CSMD1: variants seen among roughly 807,000 people sequenced by gnomAD.
CSMD1 encodes CUB and sushi domain-containing protein 1.
In CSMD1, 213 loss-of-function variants were observed where a neutral mutation model predicts 417.5. The observed-to-expected ratio is 0.51, with a 90% CI of 0.46 to 0.57. The LOEUF is 0.57. CSMD1 is among the 20% of genes least tolerant of loss of function. The probability of loss-of-function intolerance (pLI) is 0.00; values close to 1 mark genes in which losing one functional copy is unlikely to be tolerated. For missense variants in CSMD1, 6,923 were observed against 4,529.7 expected (o/e 1.53, Z -15.17); for synonymous variants, 2,862 against 1,736.8 (o/e 1.65, Z -16.11).
At chr8:4,448,013 CTA>C (rs979937415) in intron 2 of CSMD1, among the ~76,000 whole-genome samples, 3 of 152,122 alleles carry the variant, frequency 2.0e-5, no homozygotes, top group Non-Finnish European at 4.4e-5. Context: ...GGTGGTAAAA[CTA>C]AAAAACTAAA....
intron 4 of CSMD1, among the ~76,000 whole-genome samples, chr8:4,019,126 T>G (rs931195909): frequency 6.6e-6 from 1 of 152,170 alleles, no homozygotes; most frequent in African/African-American, 2.4e-5. Context: ...TACTAGGCCA[T>G]GGTATCGTAA....
intron 3 of CSMD1, among the ~76,000 whole-genome samples, chr8:4,168,816 C>T (rs545655011): frequency 6.6e-6 from 1 of 152,258 alleles, no homozygotes; most frequent in African/African-American, 2.4e-5. Flanking sequence ...TTTGAACTAA[C>T]TTCATTCCGG....
chr8:3,705,059 A>C (rs1396892033), intron 7 of CSMD1, among the ~76,000 whole-genome samples: 1 of 152,196 alleles, frequency 6.6e-6, no homozygotes, highest in Non-Finnish European at 1.5e-5. Context: ...TCCCACCAGG[A>C]AACAGATGTC....
rs145584998 is a variant in CSMD1 at position 4,050,551 on chromosome 8, T to A, written c.416-18452A>T. On this transcript the variant is annotated intron_variant, in intron 3 of 69. Coordinates refer to ENST00000635120, the MANE Select transcript of CSMD1 (RefSeq NM_033225.6). ...TAAATCTTTAAGCATTTATTCTTCA[T>A]GTTACAAACAATCTAATCATACTAC... 5.7e-3 allele frequency among the ~76,000 whole-genome samples: 873 copies of A among 152,264 alleles called. 13 individuals are homozygous for A. The highest frequency in any genetic ancestry group is 0.02 in the African/African-American group (815 of 41,550).
intron 50 of CSMD1, among the ~76,000 whole-genome samples, chr8:3,029,920 A>C (rs1810228637): frequency 6.6e-6 from 1 of 152,074 alleles, no homozygotes; most frequent in South Asian, 2.1e-4. Context: ...ACCAGCTGGG[A>C]CACTAATTTT....
chr8:3,186,568 A>C (rs188922212), intron 36 of CSMD1, among the ~76,000 whole-genome samples: 1 of 152,326 alleles, frequency 6.6e-6, no homozygotes, highest in African/African-American at 2.4e-5. Context: ...ATAAAATGGA[A>C]GTTGTATCAG....
At position 4,236,040 on chromosome 8, in the gene CSMD1, T is replaced by TTTG. The variant is rs1491159706; in HGVS notation, c.415+183912_415+183913insCAA. On this transcript the variant is annotated intron_variant, in intron 3 of 69. Coordinates refer to ENST00000635120, the MANE Select transcript of CSMD1 (RefSeq NM_033225.6). ...TAATGGATATTGTTTTTTTTGTTTG[T>TTTG]TTTTTTTTTTTTTTTTTTTTTTTTT... Among the ~76,000 whole-genome samples, 186 of 28,572 alleles carry TTTG rather than the reference T, an allele frequency of 6.5e-3. 1 individual carries two copies. Among genetic ancestry groups the TTTG allele is most frequent in the African/African-American group, 0.017 (165 of 9,434 alleles). The allele number at this position is 28,572 out of a possible 152,430, so 18.7% of individuals were successfully genotyped here.
chr8:4,486,898 G>C (rs936949289), intron 2 of CSMD1, among the ~76,000 whole-genome samples: 1 of 152,096 alleles, frequency 6.6e-6, no homozygotes, highest in Non-Finnish European at 1.5e-5. Flanking sequence ...GCAAGAAGAA[G>C]GGGGAATTAG....
intron 8 of CSMD1, among the ~76,000 whole-genome samples, chr8:3,587,944 A>C (rs1800676652): frequency 1.3e-5 from 2 of 152,164 alleles, no homozygotes; most frequent in African/African-American, 4.8e-5. Flanking sequence ...AAAAATACAA[A>C]AAAACAAAAC....
rs558967016 is a variant in CSMD1, at chr8:4,202,244, C to T, written c.416-170145G>A. On this transcript the variant is annotated intron_variant, in intron 3 of 69. Coordinates refer to ENST00000635120, the MANE Select transcript of CSMD1 (RefSeq NM_033225.6). Reference sequence around the variant, plus strand: ...TATTTGATGAATTATGCCTTATCTTCACAATTCAGTTAAGATTTTATTCAT... The same window carrying T: ...TATTTGATGAATTATGCCTTATCTTTACAATTCAGTTAAGATTTTATTCAT... Among the ~76,000 whole-genome samples the T allele has an allele frequency of 5.9e-5, 9 of 152,202 alleles. No homozygotes were observed. In the South Asian group the frequency reaches 1.9e-3, roughly 32 times the overall value.
At chr8:4,019,306 G>C (rs1052948893) in intron 4 of CSMD1, among the ~76,000 whole-genome samples, 4 of 152,144 alleles carry the variant, frequency 2.6e-5, no homozygotes, top group East Asian at 1.9e-4. Flanking sequence ...TCACAGGCTT[G>C]GAATGTTTCT....
chr8:4,705,428 C>A (rs1807867441), intron 1 of CSMD1, among the ~76,000 whole-genome samples: 1 of 152,122 alleles, frequency 6.6e-6, no homozygotes, highest in African/African-American at 2.4e-5. Context: ...AACCCTAATC[C>A]CCAGTCGCCT....
intron 24 of CSMD1, 105 bp from the exon 25 acceptor site, chr8:3,307,926 G>A (rs1805010049): frequency 3.2e-6 from 4 of 1,241,712 alleles, no homozygotes; most frequent in Non-Finnish European, 4.4e-6. Flanking sequence ...TATATACATA[G>A]AGAAAAAGAA....
intron 26 of CSMD1, among the ~76,000 whole-genome samples, chr8:3,282,057 C>G (rs10105711): frequency 6.6e-6 from 1 of 151,970 alleles, no homozygotes; most frequent in Non-Finnish European, 1.5e-5. Flanking sequence ...CCCAGCCATG[C>G]CTTCTGTACA....
chr8:3,719,890 G>C (rs1244106697), intron 6 of CSMD1, among the ~76,000 whole-genome samples: 2 of 152,230 alleles, frequency 1.3e-5, no homozygotes, highest in East Asian at 1.9e-4. Flanking sequence ...GAACTCATTA[G>C]AGATGTCACC....
rs547789384 is a variant in CSMD1, at chr8:3,912,536, G to C, written c.818+85367C>G. Among the ~76,000 whole-genome samples the C allele has an allele frequency of 3.2e-4, 49 of 152,300 alleles. 1 individual carries two copies. Among genetic ancestry groups the C allele is most frequent in the African/African-American group, 1.1e-3 (47 of 41,548 alleles). ...TGGAAATACATAACAGAGGGGGCTG[G>C]TTAATCTTAGCTTCTCTGCCAAGGT... On this transcript the variant is annotated intron_variant, in intron 5 of 69. Coordinates refer to ENST00000635120, the MANE Select transcript of CSMD1 (RefSeq NM_033225.6).
At chr8:3,222,589 A>G (rs1798282049) in intron 28 of CSMD1, among the ~76,000 whole-genome samples, 1 of 152,186 alleles carries the variant, frequency 6.6e-6, no homozygotes, top group Non-Finnish European at 1.5e-5. Context: ...GATTACAGTC[A>G]TGAACCACCA....
intron 8 of CSMD1, among the ~76,000 whole-genome samples, chr8:3,591,778 T>C (rs1378613411): frequency 6.7e-6 from 1 of 149,694 alleles, no homozygotes; most frequent in African/African-American, 2.4e-5. Context: ...AAGAGATGGA[T>C]GGATGGATAG....
intron 3 of CSMD1, among the ~76,000 whole-genome samples, chr8:4,367,246 C>A (rs10111289): frequency 2.0e-5 from 3 of 151,998 alleles, no homozygotes; most frequent in Admixed American, 6.6e-5. Flanking sequence ...GGGGTCCAGT[C>A]TCATAAGTCC....
Sources: gnomAD v4.1 joint callset for allele counts (sites outside exome capture counted in the v4.1 genomes callset) on GRCh38, gnomAD v4.1.1 for gene constraint, MANE v1.5 for transcripts, NCBI Gene and HGNC (gene_info 2026-07-23, HGNC 2026-07-21) for gene names.